The following MYBL2 variants were observed in gnomAD, a reference collection of about 807,000 sequenced individuals.
MYBL2 encodes the protein myb-related protein B.
MYBL2 carries 28 observed loss-of-function variants against 79.9 expected under a neutral mutation model. That is an observed-to-expected ratio of 0.35 (90% confidence interval 0.26 to 0.48). The LOEUF (loss-of-function observed/expected upper bound fraction) is 0.48, where lower values mean the gene tolerates loss of function less well. Ranked by LOEUF, MYBL2 falls within the 20% of genes least tolerant of loss-of-function variation. MYBL2 has a pLI of 0.99. For synonymous variants in MYBL2, 378 were observed against 361.2 expected, an observed-to-expected ratio of 1.05 and a Z score of -0.53; for missense variants, 735 against 893.9, an observed-to-expected ratio of 0.82 and a Z score of 2.27.
At chr20:43,706,993 T>C (rs543413905) in intron 9 of MYBL2, among the ~76,000 whole-genome samples, 1 of 151,370 alleles carries the variant, frequency 6.6e-6, no homozygotes, top group Admixed American at 6.6e-5. Flanking sequence ...GGATTATATG[T>C]GTGAGCCACT....
At chr20:43,669,997 G>T (rs1232548232) in intron 1 of MYBL2, among the ~76,000 whole-genome samples, 2 of 152,174 alleles carry the variant, frequency 1.3e-5, no homozygotes, top group Non-Finnish European at 2.9e-5. Flanking sequence ...GCGGCTATTC[G>T]GGAGGCTGAG....
intron 1 of MYBL2, among the ~76,000 whole-genome samples, chr20:43,668,042 C>T (rs74734799): frequency 4.6e-5 from 7 of 151,938 alleles, no homozygotes; most frequent in Non-Finnish European, 1.0e-4. Flanking sequence ...GAGCTGAGCC[C>T]GGAGCCAGGT....
chr20:43,707,164 G>A (rs983109654), intron 9 of MYBL2, among the ~76,000 whole-genome samples: 47 of 150,304 alleles, frequency 3.1e-4, no homozygotes, highest in Non-Finnish European at 6.5e-4. Context: ...AGGTGACAAA[G>A]CGTGACTCTC....
intron 7 of MYBL2, among the ~76,000 whole-genome samples, chr20:43,700,570 G>A (rs1388108977): frequency 6.6e-6 from 1 of 152,084 alleles, no homozygotes; most frequent in Non-Finnish European, 1.5e-5. Context: ...GTGACACCCC[G>A]GCTCCTGGCT....
At chr20:43,683,311 T>C (rs1987186098) in intron 4 of MYBL2, among the ~76,000 whole-genome samples, 1 of 152,180 alleles carries the variant, frequency 6.6e-6, no homozygotes, top group Admixed American at 6.5e-5. Flanking sequence ...TGCCTTCTTT[T>C]GATCGCCACA....
chr20:43,702,818 G>A lies in MYBL2; in HGVS notation c.1280G>A (p.Ser427Asn), dbSNP rs1383760040. ...RVALSPVTEN[S>N]TSLSFLDSCN... Reference sequence around the variant, plus strand: ...GCTCTGTCCCCTGTCACTGAGAATAGCACCAGTCTGTCCTTCCTGGATTCC... The same window carrying A: ...GCTCTGTCCCCTGTCACTGAGAATAACACCAGTCTGTCCTTCCTGGATTCC... Residue 427 changes from serine to asparagine, a missense_variant, in exon 8 of 14, where the codon AGC becomes AAC. Around this residue, in one of 5 missense-constraint regions of MYBL2, gnomAD observed 243 missense variants for 327.2 expected, o/e 0.74. Transcript: ENST00000217026. The A allele has an allele frequency of 3.7e-6, 6 of 1,613,996 alleles. No individual in the cohort carries two copies. In the African/African-American group the frequency reaches 6.7e-5, roughly 18 times the overall value.
chr20:43,678,055 G>T (rs1987053395), intron 2 of MYBL2, among the ~76,000 whole-genome samples: 1 of 152,146 alleles, frequency 6.6e-6, no homozygotes, highest in African/African-American at 2.4e-5. Context: ...GGGTTAAATG[G>T]ATTAAGGGCG....
intron 6 of MYBL2, among the ~76,000 whole-genome samples, chr20:43,693,376 CTG>C (rs1987458195): frequency 6.6e-6 from 1 of 152,030 alleles, no homozygotes; most frequent in South Asian, 2.1e-4. Flanking sequence ...GATGGAGTCT[CTG>C]TCGCTCAGGC....
chr20:43,685,646 T>C (rs1318470655), intron 4 of MYBL2, among the ~76,000 whole-genome samples: 1 of 152,118 alleles, frequency 6.6e-6, no homozygotes, highest in Non-Finnish European at 1.5e-5. Context: ...TCCCAGCTAC[T>C]CAGGAGGCTG....
intron 1 of MYBL2, among the ~76,000 whole-genome samples, chr20:43,669,559 A>G (rs567951798): frequency 6.6e-6 from 1 of 152,288 alleles, no homozygotes; most frequent in African/African-American, 2.4e-5. Context: ...GGCAAAAGGT[A>G]GGGTATGTTG....
chr20:43,709,883 G>C, intron 9 of MYBL2, 80 bp from the exon 10 acceptor site: 1 of 1,188,044 alleles, frequency 8.4e-7, no homozygotes, highest in Non-Finnish European at 1.2e-6. Flanking sequence ...TCGCACTGGG[G>C]GAAGGTGGAG....
chr20:43,714,901 T>G (rs1987992512), intron 12 of MYBL2, among the ~76,000 whole-genome samples: 2 of 152,218 alleles, frequency 1.3e-5, no homozygotes, highest in African/African-American at 4.8e-5. Flanking sequence ...AGTGCTGGGA[T>G]TACAGGCGTG....
chr20:43,710,002 T>G lies in MYBL2; in HGVS notation c.1545T>G (p.Thr515=). 1 of 1,608,638 alleles carries G rather than the reference T, an allele frequency of 6.2e-7. No homozygotes were observed. Among genetic ancestry groups the G allele is most frequent in the Non-Finnish European group, 8.5e-7 (1 of 1,177,580 alleles). The part of the protein sequence containing the change: ...TPDQKYSMDN[T]PHTPTPFKNA... ...ATCAGAAGTACTCCATGGACAACAC[T>G]CCCCACACGCCAACCCCGTTCAAGA... The change falls in exon 10 of 14, where the codon ACT becomes ACG. Residue 515 remains threonine, a synonymous_variant. Coordinates refer to ENST00000217026, the MANE Select transcript of MYBL2 (RefSeq NM_002466.4).
At chr20:43,713,377 G>A (rs1987955544) in intron 12 of MYBL2, among the ~76,000 whole-genome samples, 1 of 151,400 alleles carries the variant, frequency 6.6e-6, no homozygotes, top group Non-Finnish European at 1.5e-5. Flanking sequence ...GGTCAGTGAT[G>A]TGTCTTTTTT....
chr20:43,681,799 G>T lies in MYBL2; in HGVS notation c.130G>T (p.Ala44Ser). 1 of 1,614,220 alleles carries T rather than the reference G, an allele frequency of 6.2e-7. No individual in the cohort carries two copies. The highest frequency in any genetic ancestry group is 8.5e-7 in the Non-Finnish European group (1 of 1,180,040). Residue 44 changes from alanine (A) to serine (S), a missense_variant, in exon 3 of 14, where the codon GCC (alanine) becomes TCC (serine). Ala to Ser is a moderately conservative substitution (Grantham distance 99, BLOSUM62 1). Around this residue, in one of 5 missense-constraint regions of MYBL2, gnomAD observed 79 missense variants for 86.7 expected, o/e 0.91. Coordinates refer to ENST00000217026, the MANE Select transcript of MYBL2 (RefSeq NM_002466.4). Reference sequence around the variant, plus strand: ...GTGTTGGCAGGACGAGCAGCTGAGGGCCCTGGTGAGGCAGTTTGGACAGCA... The same window carrying T: ...GTGTTGGCAGGACGAGCAGCTGAGGTCCCTGGTGAGGCAGTTTGGACAGCA... The part of the protein sequence containing the change: ...WTHEEDEQLR[A>S]LVRQFGQQDW...
chr20:43,696,661 T>C (rs1468452519), intron 6 of MYBL2, among the ~76,000 whole-genome samples: 1 of 152,304 alleles, frequency 6.6e-6, no homozygotes, highest in African/African-American at 2.4e-5. Context: ...AAACATCTGT[T>C]ACTATTTCCA....
chr20:43,689,823 A>G (rs546548500), intron 5 of MYBL2, among the ~76,000 whole-genome samples: 1 of 152,270 alleles, frequency 6.6e-6, no homozygotes, highest in Admixed American at 6.5e-5. Context: ...TGCTTTTTAT[A>G]TGCGAGCAAA....
intron 5 of MYBL2, 40 bp downstream of exon 5, chr20:43,687,112 G>C (rs771685587): frequency 6.3e-7 from 1 of 1,590,958 alleles, no homozygotes; most frequent in South Asian, 1.1e-5. Context: ...GTTCCCGGGA[G>C]GCCAGGCCCG....
chr20:43,693,185 C>G (rs1335864358), intron 6 of MYBL2, among the ~76,000 whole-genome samples: 1 of 152,026 alleles, frequency 6.6e-6, no homozygotes, highest in Non-Finnish European at 1.5e-5. Context: ...GCATGCACCA[C>G]CACGCCTGAC....
Sources: gnomAD v4.1 joint callset for allele counts (sites outside exome capture counted in the v4.1 genomes callset) on GRCh38, gnomAD v4.1.1 for gene constraint, gnomAD v4.1.1 regional missense constraint, MANE v1.5 for transcripts, NCBI Gene and HGNC (gene_info 2026-07-23, HGNC 2026-07-21) for gene names.